Variants in CNTNAP2 observed in about 807,000 individuals in gnomAD.
The protein encoded by CNTNAP2 is contactin-associated protein-like 2.
In CNTNAP2, 98 loss-of-function variants were observed where a neutral mutation model predicts 155.2. That is an observed-to-expected ratio of 0.63 (90% CI 0.54 to 0.75). CNTNAP2 has a LOEUF of 0.75. Ranked by LOEUF, CNTNAP2 falls within the 30% of genes least tolerant of loss-of-function variation. The probability of loss-of-function intolerance (pLI) is 0.00; values close to 1 mark genes in which losing one functional copy is unlikely to be tolerated. For synonymous variants in CNTNAP2, 651 were observed against 631.2 expected, an observed-to-expected ratio of 1.03 and a Z score of -0.47; for missense variants, 1,727 against 1,688.1, an observed-to-expected ratio of 1.02 and a Z score of -0.40.
intron 1 of CNTNAP2, among the ~76,000 whole-genome samples, chr7:146,244,769 G>A (rs1486153438): frequency 6.6e-6 from 1 of 152,104 alleles, no homozygotes; most frequent in Non-Finnish European, 1.5e-5. Context: ...TCTGACAGAA[G>A]GGAAGAAATG....
At chr7:147,768,558 T>C (rs1166931307) in intron 13 of CNTNAP2, among the ~76,000 whole-genome samples, 2 of 152,122 alleles carry the variant, frequency 1.3e-5, no homozygotes, top group Non-Finnish European at 2.9e-5. Flanking sequence ...AAAATGTGTA[T>C]TTATTTCTTA....
intron 15 of CNTNAP2, among the ~76,000 whole-genome samples, chr7:148,050,248 C>G (rs1802862997): frequency 6.6e-6 from 1 of 152,202 alleles, no homozygotes; most frequent in Non-Finnish European, 1.5e-5. Context: ...TAGGAGCTGG[C>G]AGCTCTGTGT....
At chr7:148,387,831 G>A (rs1368853577) in intron 22 of CNTNAP2, among the ~76,000 whole-genome samples, 1 of 152,018 alleles carries the variant, frequency 6.6e-6, no homozygotes, top group Admixed American at 6.6e-5. Flanking sequence ...ACTCCATCTC[G>A]AATAGGGGCT....
chr7:147,159,800 T>A (rs1801992075), intron 8 of CNTNAP2, among the ~76,000 whole-genome samples: 1 of 152,134 alleles, frequency 6.6e-6, no homozygotes, highest in Non-Finnish European at 1.5e-5. Flanking sequence ...GCCTACCAAC[T>A]CACAATATGT....
At chr7:147,463,958 T>TGAAA (rs774709661) in intron 10 of CNTNAP2, among the ~76,000 whole-genome samples, 8 of 82,968 alleles carry the variant, frequency 9.6e-5, no homozygotes, top group South Asian at 5.7e-4. Context: ...GCCCCACTAC[T>TGAAA]AAAAAAAAAA....
chr7:146,181,143 T>C (rs1363897588), intron 1 of CNTNAP2, among the ~76,000 whole-genome samples: 1 of 152,174 alleles, frequency 6.6e-6, no homozygotes, highest in Non-Finnish European at 1.5e-5. Context: ...TCAAGTTACT[T>C]TAAGCACTTT....
At chr7:146,661,792 A>AATG (rs992402959) in intron 1 of CNTNAP2, among the ~76,000 whole-genome samples, 12 of 150,860 alleles carry the variant, frequency 8.0e-5, no homozygotes, top group African/African-American at 2.9e-4. Context: ...GTGTAGGCAC[A>AATG]TGTATTCATT....
chr7:146,128,468 C>G (rs933105537), intron 1 of CNTNAP2, among the ~76,000 whole-genome samples: 14 of 152,174 alleles, frequency 9.2e-5, no homozygotes, highest in Admixed American at 7.9e-4. Flanking sequence ...CAAATAAAAG[C>G]TTAATATTTA....
intron 15 of CNTNAP2, among the ~76,000 whole-genome samples, chr7:147,982,548 G>A (rs1801549305): frequency 6.6e-6 from 1 of 152,182 alleles, no homozygotes; most frequent in African/African-American, 2.4e-5. Context: ...AACACTCAGA[G>A]GACAGACAAA....
intron 16 of CNTNAP2, among the ~76,000 whole-genome samples, chr7:148,129,764 T>C (rs1804789408): frequency 6.6e-6 from 1 of 152,220 alleles, no homozygotes. Context: ...GTATTTAAGG[T>C]CTCGTCTACC....
At chr7:148,146,431 C>T (rs1805179260) in intron 16 of CNTNAP2, among the ~76,000 whole-genome samples, 1 of 152,140 alleles carries the variant, frequency 6.6e-6, no homozygotes, top group Admixed American at 6.5e-5. Context: ...AGGAACTTAA[C>T]ATAAAATATA....
chr7:147,680,536 T>C (rs1333177532), intron 13 of CNTNAP2, among the ~76,000 whole-genome samples: 1 of 151,878 alleles, frequency 6.6e-6, no homozygotes, highest in Non-Finnish European at 1.5e-5. Flanking sequence ...GTGGGGACTT[T>C]TGTGAGGTCT....
chr7:147,729,406 GCA>G (rs539684579), intron 13 of CNTNAP2, among the ~76,000 whole-genome samples: 141 of 52,086 alleles, frequency 2.7e-3, no homozygotes, highest in African/African-American at 0.014. Context: ...AAGAAAACAT[GCA>G]CACACACGCA....
At chr7:146,303,944 G>T (rs1800660497) in intron 1 of CNTNAP2, among the ~76,000 whole-genome samples, 1 of 151,930 alleles carries the variant, frequency 6.6e-6, no homozygotes, top group Non-Finnish European at 1.5e-5. Context: ...TATGAATCTG[G>T]GTGCTCCTAT....
intron 15 of CNTNAP2, among the ~76,000 whole-genome samples, chr7:148,083,925 C>T (rs187515148): frequency 1.6e-4 from 25 of 152,162 alleles, no homozygotes; most frequent in Admixed American, 3.9e-4. Flanking sequence ...AAAAAAATAC[C>T]TTCTTTCCTT....
chr7:147,963,521 CATGTACAAACAGAGGA>C (rs1801149742), intron 14 of CNTNAP2, among the ~76,000 whole-genome samples: 1 of 152,064 alleles, frequency 6.6e-6, no homozygotes, highest in Non-Finnish European at 1.5e-5. Context: ...AAGGGCGCAA[CATGTACAAACAGAGGA>C]ATGTGTGACA....
chr7:148,231,014 A>G (rs1417411261), intron 20 of CNTNAP2, among the ~76,000 whole-genome samples: 3 of 152,120 alleles, frequency 2.0e-5, no homozygotes, highest in Non-Finnish European at 4.4e-5. Flanking sequence ...GACTTTTTCC[A>G]TTTTAAGCCA....
At chr7:147,170,365 A>C (rs1233948879) in intron 8 of CNTNAP2, among the ~76,000 whole-genome samples, 2 of 152,080 alleles carry the variant, frequency 1.3e-5, no homozygotes, top group African/African-American at 4.8e-5. Flanking sequence ...CCCCCTCACC[A>C]GTTCCACTAA....
intron 1 of CNTNAP2, among the ~76,000 whole-genome samples, chr7:146,675,020 G>T (rs1389077153): frequency 6.6e-6 from 1 of 152,044 alleles, no homozygotes; most frequent in African/African-American, 2.4e-5. Flanking sequence ...TGCTAAAGTG[G>T]CATATTTTGG....
Sources: gnomAD v4.1 joint callset for allele counts (sites outside exome capture counted in the v4.1 genomes callset) on GRCh38, gnomAD v4.1.1 for gene constraint, MANE v1.5 for transcripts, NCBI Gene and HGNC (gene_info 2026-07-23, HGNC 2026-07-21) for gene names.